Variants in MRPL44 observed in about 807,000 individuals in gnomAD.
The protein encoded by MRPL44 is large ribosomal subunit protein mL44.
In MRPL44, 21 loss-of-function variants were observed where a neutral mutation model predicts 25.9. The ratio of observed to expected loss-of-function variants is 0.81; its 90% confidence interval spans 0.58 to 1.17. The LOEUF is 1.17. Among genes scored for constraint, MRPL44 ranks in the 50% most tolerant of loss-of-function variants. The pLI is 0.00. For missense variants in MRPL44, 410 were observed against 398.9 expected (o/e 1.03, Z -0.24); for synonymous variants, 169 against 151.0 (o/e 1.12, Z -0.87).
chr2:223,951,829 T>C, the MRPL44 span, among the ~76,000 whole-genome samples: 2 of 152,200 alleles, frequency 1.3e-5, no homozygotes, highest in Non-Finnish European at 2.9e-5. Flanking sequence ...TCACCTCCTC[T>C]GACTCTAAAT....
intron 3 of MRPL44, among the ~76,000 whole-genome samples, chr2:223,966,153 G>A (rs750015889): frequency 2.6e-5 from 4 of 151,692 alleles, no homozygotes; most frequent in African/African-American, 9.7e-5. Flanking sequence ...GGAGAATGGC[G>A]CGAACCCAGG....
chr2:223,951,482 T>TTTTTTGTTTTG, the MRPL44 span, among the ~76,000 whole-genome samples: 1 of 137,022 alleles, frequency 7.3e-6, no homozygotes, highest in Non-Finnish European at 1.5e-5. Context: ...CTTGGAGTTT[T>TTTTTTGTTTTG]TTTTTTTTTT....
At chr2:223,952,535 G>T (rs573123490), upstream of MRPL44, among the ~76,000 whole-genome samples, 1 of 152,262 alleles carries the variant, frequency 6.6e-6, no homozygotes, top group Non-Finnish European at 1.5e-5. Flanking sequence ...GTAAGACCCT[G>T]ACTGATACAA....
In MRPL44 at chr2:223,960,008, T is replaced by C. The variant is rs745719334; in HGVS notation, c.648+6T>C. The C allele has an allele frequency of 6.3e-7, 1 of 1,585,828 alleles. No individual in the cohort carries two copies. ...GGACTGCACTTTTCATCAGGGTACGTAACTATTAATTGGACATGCTTGAGA... is the reference window on the plus strand; with the variant it reads ...GGACTGCACTTTTCATCAGGGTACGCAACTATTAATTGGACATGCTTGAGA... On this transcript the variant is annotated splice_donor_region_variant and intron_variant, in intron 2 of 3. Transcript: ENST00000258383.
At chr2:223,963,356 T>C (rs1005677756) in intron 2 of MRPL44, among the ~76,000 whole-genome samples, 1 of 152,012 alleles carries the variant, frequency 6.6e-6, no homozygotes, top group African/African-American at 2.4e-5. Context: ...GCTAGGAGGA[T>C]TGCTTGAGCC....
chr2:223,956,430 T>C (rs1347839930), upstream of MRPL44, among the ~76,000 whole-genome samples: 3 of 152,322 alleles, frequency 2.0e-5, no homozygotes, highest in Admixed American at 6.5e-5. Context: ...TGGTCTGTGT[T>C]TCAGAGAGAT....
Position 223,967,187 on chromosome 2 carries a change from C to CTTGGTTA in MRPL44, c.*153_*154insTTGGTTA. Reference sequence around the variant, plus strand: ...AAAATTAAATAAGTGTTAACCAAGTCACAGTGTTTTTGGTTTTGTTTTTCT... The same window carrying CTTGGTTA: ...AAAATTAAATAAGTGTTAACCAAGTCTTGGTTAACAGTGTTTTTGGTTTTGTTTTTCT... On this transcript the variant is annotated 3_prime_UTR_variant, in exon 4 of 4. Transcript: ENST00000258383. The CTTGGTTA allele has an allele frequency of 1.3e-6, 1 of 758,818 alleles. No homozygotes were observed. Among genetic ancestry groups the CTTGGTTA allele is most frequent in the Non-Finnish European group, 2.0e-6 (1 of 503,126 alleles). The allele number at this position is 758,818 out of a possible 1,614,324, so 47.0% of individuals were successfully genotyped here.
chr2:223,954,116 T>G (rs1372319554), upstream of MRPL44, among the ~76,000 whole-genome samples: 1 of 152,146 alleles, frequency 6.6e-6, no homozygotes, highest in Non-Finnish European at 1.5e-5. Flanking sequence ...CTACAGGGGT[T>G]AAAGGGTCAG....
intron 1 of MRPL44, 115 bp from the exon 2 acceptor site, chr2:223,959,419 T>C: frequency 3.6e-6 from 3 of 824,272 alleles, no homozygotes; most frequent in South Asian, 1.9e-5. Context: ...AAAAGAAATA[T>C]AACCTTCTTT....
At chr2:223,957,267 T>A (rs16865355), upstream of MRPL44, 1 of 621,844 alleles carries the variant, frequency 1.6e-6, no homozygotes, top group Admixed American at 2.9e-5. Flanking sequence ...AGGAGAGAAC[T>A]AGCGCAAGCG....
intron 2 of MRPL44, among the ~76,000 whole-genome samples, chr2:223,960,519 C>G (rs983587728): frequency 6.6e-6 from 1 of 152,182 alleles, no homozygotes; most frequent in African/African-American, 2.4e-5. Flanking sequence ...GAAGTTTTAT[C>G]CTCTGCCATT....
chr2:223,967,080 A>C lies in MRPL44; in HGVS notation c.*46A>C. 1 of 1,533,628 alleles carries C rather than the reference A, an allele frequency of 6.5e-7. No homozygotes were observed. Among genetic ancestry groups the C allele is most frequent in the Non-Finnish European group, 8.8e-7 (1 of 1,133,826 alleles). On this transcript the variant is annotated 3_prime_UTR_variant, in exon 4 of 4. Coordinates refer to ENST00000258383, the MANE Select transcript of MRPL44 (RefSeq NM_022915.5). ...TGAAACTTGAGAGCGAAAGTGAGAT[A>C]AATGTCAAAGGTGTTTCAAGCCAGA... is the stretch of plus-strand genomic sequence containing the variant.
At chr2:223,957,809 A>AG (rs1394951517) in intron 1 of MRPL44, among the ~76,000 whole-genome samples, 158 bp downstream of exon 1, 4 of 152,194 alleles carry the variant, frequency 2.6e-5, no homozygotes, top group Admixed American at 2.6e-4. Flanking sequence ...CCTGAGGCAA[A>AG]AAAAATGGAT....
At chr2:223,957,223 T>A (rs1179668728), upstream of MRPL44, among the ~76,000 whole-genome samples, 1 of 152,260 alleles carries the variant, frequency 6.6e-6, no homozygotes, top group African/African-American at 2.4e-5. Context: ...GCAAACGCCC[T>A]CAAGTCCGGA....
In MRPL44 at chr2:223,959,841, G is replaced by A; in HGVS notation, c.487G>A (p.Glu163Lys). ...AAATCTTGTTGACTTTCTCACTGGT[G>A]AGGAAGTCGTGTGTCACGTGGCTAG... ...IKNLVDFLTG[E>K]EVVCHVARNL... The change falls in exon 2 of 4, where the codon GAG becomes AAG. Residue 163 changes from glutamate to lysine, a missense_variant. By Grantham distance (56) the Glu-to-Lys change is moderately conservative (BLOSUM62 1). Coordinates refer to ENST00000258383, the MANE Select transcript of MRPL44 (RefSeq NM_022915.5). 1 of 1,614,186 alleles carries A rather than the reference G, an allele frequency of 6.2e-7. No homozygotes were observed. The highest frequency in any genetic ancestry group is 8.5e-7 in the Non-Finnish European group (1 of 1,180,018).
upstream of MRPL44, among the ~76,000 whole-genome samples, chr2:223,954,645 A>G (rs1574791590): frequency 3.9e-5 from 6 of 152,236 alleles, 1 homozygote; most frequent in South Asian, 1.0e-3. Flanking sequence ...CTTAGGCAAC[A>G]TCATAACATA....
At position 223,957,534 on chromosome 2, in the gene MRPL44, C is replaced by A; in HGVS notation, c.62C>A (p.Ala21Asp). ...CATCGCTGCCTCCTGGCTCCAGTCG[C>A]CCCCAAGCTGGTCCCTCCGGTTCGG... ...QGHRCLLAPV[A>D]PKLVPPVRGV... Residue 21 changes from alanine to aspartate, a missense_variant, in exon 1 of 4, where the codon GCC becomes GAC. Ala to Asp is a moderately radical substitution (Grantham distance 126). Transcript: ENST00000258383. 2.5e-6 allele frequency: 4 copies of A among 1,614,044 alleles called. No homozygotes were observed. The highest frequency in any genetic ancestry group is 3.4e-6 in the Non-Finnish European group (4 of 1,180,014).
In MRPL44 at chr2:223,963,926, C is replaced by T. The variant is rs941354991; in HGVS notation, c.819C>T (p.Gly273=). Residue 273 remains glycine, a synonymous_variant, in exon 3 of 4, where the codon GGC becomes GGT. Transcript: ENST00000258383. ...GTTALPLYFV[G]LYCDKKLIAE... ...CAGCTTTGCCTTTGTATTTTGTTGG[C>T]TTATACTGGTTAGTGAAATTTTAAT... is the stretch of plus-strand genomic sequence containing the variant. The T allele has an allele frequency of 1.6e-5, 26 of 1,611,682 alleles. No homozygotes were observed. Among genetic ancestry groups the T allele is most frequent in the African/African-American group, 2.7e-5 (2 of 74,780 alleles).
At chr2:223,966,737 C>A in intron 3 of MRPL44, 126 bp from the exon 4 acceptor site, 1 of 737,976 alleles carries the variant, frequency 1.4e-6, no homozygotes, top group Non-Finnish European at 2.1e-6. Flanking sequence ...TCTATCAGAG[C>A]TATTGTGTTA....
Sources: allele counts gnomAD v4.1 joint callset (sites outside exome capture counted in the v4.1 genomes callset), GRCh38; gene constraint gnomAD v4.1.1; transcripts MANE v1.5; gene names NCBI Gene and HGNC (gene_info 2026-07-23, HGNC 2026-07-21).